Variants in PTK7 observed in about 807,000 individuals in gnomAD.
The protein encoded by PTK7 is inactive tyrosine-protein kinase 7.
Under a neutral mutation model 116.6 loss-of-function variants are expected in PTK7, and 39 were observed. The ratio of observed to expected loss-of-function variants is 0.33; its 90% CI spans 0.26 to 0.44. The LOEUF (loss-of-function observed/expected upper bound fraction) is 0.44, where lower values mean the gene tolerates loss of function less well. Ranked by LOEUF, PTK7 falls within the 20% of genes least tolerant of loss-of-function variation. The pLI, the probability that PTK7 is intolerant of heterozygous loss-of-function variation, is 1.00. For synonymous variants in PTK7, 546 were observed against 563.6 expected (o/e 0.97, Z 0.44); for missense variants, 1,169 against 1,425.6 (o/e 0.82, Z 2.90).
chr6:43,138,162 A>G (rs1582177202), intron 7 of PTK7, among the ~76,000 whole-genome samples: 1 of 137,286 alleles, frequency 7.3e-6, no homozygotes, highest in East Asian at 2.1e-4. Context: ...GTGTTGGAAT[A>G]CATACCTTGG....
chr6:43,144,782 C>G (rs1038360084), intron 15 of PTK7, 176 bp downstream of exon 15: 15 of 670,916 alleles, frequency 2.2e-5, no homozygotes, highest in Admixed American at 6.6e-5. Flanking sequence ...CACTGCCCTT[C>G]GTGCAGATTT....
intron 15 of PTK7, chr6:43,144,895 T>C (rs1770638176): frequency 4.8e-6 from 2 of 417,138 alleles, no homozygotes; most frequent in Non-Finnish European, 8.4e-6. Flanking sequence ...GGAAAAAATA[T>C]GAGAAATCAT....
intron 10 of PTK7, among the ~76,000 whole-genome samples, chr6:43,140,533 G>C (rs556569932): frequency 6.6e-5 from 10 of 150,688 alleles, no homozygotes; most frequent in Non-Finnish European, 1.0e-4. Flanking sequence ...TTCTTTTTCT[G>C]TGCATATGTT....
intron 17 of PTK7, among the ~76,000 whole-genome samples, chr6:43,157,376 C>CTTTT (rs71547832): frequency 1.4e-4 from 3 of 21,862 alleles, no homozygotes; most frequent in African/African-American, 3.5e-4. Context: ...TTTTTTTTTT[C>CTTTT]TTTTTTTTTT....
At chr6:43,155,390 T>G (rs1257117379) in intron 17 of PTK7, among the ~76,000 whole-genome samples, 7 of 152,150 alleles carry the variant, frequency 4.6e-5, no homozygotes, top group Non-Finnish European at 8.8e-5. Flanking sequence ...ATGCCTGTAA[T>G]CCCAGTGCTT....
chr6:43,103,570 A>G (rs1767700305), intron 1 of PTK7, among the ~76,000 whole-genome samples: 1 of 152,170 alleles, frequency 6.6e-6, no homozygotes, highest in Non-Finnish European at 1.5e-5. Context: ...AATATGCCCA[A>G]TCAGACATCC....
In PTK7 at chr6:43,145,156, C is replaced by T. The variant is rs749507301; in HGVS notation, c.2408-44C>T. On this transcript the variant is annotated intron_variant, in intron 15 of 19. Coordinates refer to ENST00000230419, the MANE Select transcript of PTK7 (RefSeq NM_002821.5). This position sits in a 1 kb window ranked among gnomAD's most constrained non-coding sequence, Gnocchi z 4.8. ...CCCTCCCCCAGGTCAGGAGCTGCCT[C>T]GGCCTGGGTGAAGGTGGCTGGCTGA... is the stretch of plus-strand genomic sequence containing the variant. 29 of 1,534,094 alleles carry T rather than the reference C, an allele frequency of 1.9e-5. No individual in the cohort carries two copies. The highest frequency in any genetic ancestry group is 1.0e-4 in the South Asian group (8 of 80,030).
chr6:43,083,706 G>A (rs1422687033), intron 1 of PTK7, among the ~76,000 whole-genome samples: 2 of 152,186 alleles, frequency 1.3e-5, no homozygotes, highest in African/African-American at 2.4e-5. Context: ...CATCTGCTGT[G>A]TGCATTAACT....
At chr6:43,126,782 G>A (rs1769312621) in intron 1 of PTK7, among the ~76,000 whole-genome samples, 1 of 152,236 alleles carries the variant, frequency 6.6e-6, no homozygotes, top group Non-Finnish European at 1.5e-5. Context: ...TGGATCATTT[G>A]GAAATGTGTA....
rs748052690 is a variant in PTK7 at position 43,141,685 on chromosome 6, G to A, written c.1636G>A (p.Glu546Lys). The A allele has an allele frequency of 1.7e-5, 27 of 1,614,030 alleles. No homozygotes were observed. The highest frequency in any genetic ancestry group is 2.3e-5 in the Non-Finnish European group (27 of 1,180,022). The change falls in exon 11 of 20, where the codon GAG (glutamate) becomes AAG (lysine). Residue 546 changes from glutamate (E) to lysine (K), a missense_variant. Glu to Lys is a moderately conservative substitution (Grantham distance 56). Transcript: ENST00000230419. This position sits in a 1 kb window ranked among gnomAD's most constrained non-coding sequence, Gnocchi z 4.9. ...WERADGSSLP[E>K]WVTDNAGTLH... ...CCCTGCAGATGGGAGCAGCCTCCCA[G>A]AGTGGGTGACAGACAACGCTGGGAC... is the stretch of plus-strand genomic sequence containing the variant.
chr6:43,091,708 TAAAC>T (rs1269747527), intron 1 of PTK7, among the ~76,000 whole-genome samples: 3 of 152,200 alleles, frequency 2.0e-5, no homozygotes, highest in Admixed American at 2.0e-4. Context: ...ATTACAGAAA[TAAAC>T]AACTTACAAG....
intron 1 of PTK7, among the ~76,000 whole-genome samples, chr6:43,112,746 C>A (rs186594617): frequency 6.6e-6 from 1 of 152,140 alleles, no homozygotes; most frequent in Non-Finnish European, 1.5e-5. Context: ...AAGGCCTAGA[C>A]AACAAGATGA....
intron 1 of PTK7, among the ~76,000 whole-genome samples, chr6:43,112,251 TTTA>T: frequency 8.3e-6 from 1 of 120,276 alleles, no homozygotes; most frequent in Non-Finnish European, 1.8e-5. Flanking sequence ...GTTTTATTTA[TTTA>T]TTTATTTATT....
At position 43,153,812 on chromosome 6, in the gene PTK7, G is replaced by A. The variant is rs559389228; in HGVS notation, c.2722-5005G>A. Among the ~76,000 whole-genome samples, 16 of 152,148 alleles carry A rather than the reference G, an allele frequency of 1.1e-4. No individual in the cohort carries two copies. In the East Asian group the frequency reaches 3.1e-3, roughly 30 times the overall value. On this transcript the variant is annotated intron_variant, in intron 17 of 19. Transcript: ENST00000230419. ...AGCACTTTGGGAGGCCAAGGTGGAA[G>A]GATTGCTTGGGCCAGGAGTTTGAGA... is the stretch of plus-strand genomic sequence containing the variant.
chr6:43,139,363 G>T lies in PTK7; in HGVS notation c.1499-43G>T. ...CAGGCCTGGCCACGGCCTCTCCAGC[G>T]GCCCCAATTCCTCGTCTTTCTACCC... On this transcript the variant is annotated intron_variant, in intron 9 of 19. Coordinates refer to ENST00000230419, the MANE Select transcript of PTK7 (RefSeq NM_002821.5). This position sits in a 1 kb window ranked among gnomAD's most constrained non-coding sequence, Gnocchi z 4.6. 1 of 1,613,992 alleles carries T rather than the reference G, an allele frequency of 6.2e-7. No individual in the cohort carries two copies. Among genetic ancestry groups the T allele is most frequent in the Non-Finnish European group, 8.5e-7 (1 of 1,179,844 alleles).
At chr6:43,157,364 A>ATATATATATATTTTT (rs70990168) in intron 17 of PTK7, among the ~76,000 whole-genome samples, 8 of 54,342 alleles carry the variant, frequency 1.5e-4, no homozygotes, top group South Asian at 8.0e-4. Context: ...ATATATATAT[A>ATATATATATATTTTT]TTTTTTTTTT....
chr6:43,084,682 T>C (rs1766560238), intron 1 of PTK7, among the ~76,000 whole-genome samples: 1 of 152,140 alleles, frequency 6.6e-6, no homozygotes, highest in African/African-American at 2.4e-5. Context: ...TGGAGAAACG[T>C]GAATCAGATG....
At position 43,139,143 on chromosome 6, in the gene PTK7, G is replaced by C; in HGVS notation, c.1370G>C (p.Arg457Pro). 2 of 1,614,166 alleles carry C rather than the reference G, an allele frequency of 1.2e-6. No homozygotes were observed. The highest frequency in any genetic ancestry group is 1.7e-6 in the Non-Finnish European group (2 of 1,180,014). ...CTCTCACCTGTGCTGCAGGACTCAC[G>C]GTTCGAGGTCTTCAAGAATGGGACC... Reference protein sequence around the residue: ...RNQMLISEDSRFEVFKNGTLR... With the variant: ...RNQMLISEDSPFEVFKNGTLR... The change falls in exon 9 of 20, where the codon CGG becomes CCG. Residue 457 changes from arginine (R) to proline (P), a missense_variant. By Grantham distance (103) the Arg-to-Pro change is moderately radical. This residue lies in a region of PTK7 where 678 missense variants were observed against 853.8 expected (regional missense o/e 0.79). Coordinates refer to ENST00000230419, the MANE Select transcript of PTK7 (RefSeq NM_002821.5). The surrounding 1 kb of genome is among the most constrained non-coding windows in gnomAD (Gnocchi z 4.6).
chr6:43,105,581 T>G (rs1767843423), intron 1 of PTK7, among the ~76,000 whole-genome samples: 1 of 152,126 alleles, frequency 6.6e-6, no homozygotes, highest in African/African-American at 2.4e-5. Context: ...AATTAGGGTC[T>G]CTGTAGATAT....
Sources: gnomAD v4.1 joint callset for allele counts (sites outside exome capture counted in the v4.1 genomes callset) on GRCh38, gnomAD v4.1.1 for gene constraint, gnomAD v4.1.1 regional missense constraint, Gnocchi (gnomAD v3.1) non-coding constraint, MANE v1.5 for transcripts, NCBI Gene and HGNC (gene_info 2026-07-23, HGNC 2026-07-21) for gene names.